Variants in RACGAP1 observed in about 807,000 individuals in gnomAD.
RACGAP1 encodes the protein rac GTPase-activating protein 1.
A neutral mutation model predicts 78.1 loss-of-function variants in RACGAP1; 30 were observed. That is an observed-to-expected ratio of 0.38 (90% confidence interval 0.29 to 0.52). The LOEUF is 0.52. Ranked by LOEUF, RACGAP1 falls within the 20% of genes least tolerant of loss-of-function variation. The probability of loss-of-function intolerance (pLI) is 0.82; values close to 1 mark genes in which losing one functional copy is unlikely to be tolerated. For missense variants in RACGAP1, 587 were observed against 777.1 expected (o/e 0.76, Z 2.91); for synonymous variants, 231 against 264.8 (o/e 0.87, Z 1.24).
At chr12:50,025,660 G>GT (rs3830366), upstream of RACGAP1, 460 of 542,966 alleles carry the variant, frequency 8.5e-4, no homozygotes, top group African/African-American at 3.2e-3. Context: ...CGGTTTTTCG[G>GT]TTTTTTTTGT....
chr12:50,018,402 A>T, intron 1 of RACGAP1: 1 of 589,978 alleles, frequency 1.7e-6, no homozygotes, highest in Middle Eastern at 3.1e-4. Context: ...TATTACAAAG[A>T]TCTTTCTCTA....
chr12:50,009,238 G>C (rs911198857), intron 2 of RACGAP1, among the ~76,000 whole-genome samples: 9 of 113,184 alleles, frequency 8.0e-5, no homozygotes, highest in African/African-American at 3.6e-4. Flanking sequence ...GTGAGATGCT[G>C]TCTCAAAAAA....
Position 50,006,468 on chromosome 12 carries a change from C to T in RACGAP1, c.254G>A (p.Arg85Gln), listed in dbSNP as rs771797675. The change falls in exon 3 of 17, where the codon CGG becomes CAG. Residue 85 changes from arginine (R) to glutamine (Q), a missense_variant. Arg to Gln is a conservative substitution (Grantham distance 43, BLOSUM62 1). Coordinates refer to ENST00000312377, the MANE Select transcript of RACGAP1 (RefSeq NM_001319999.2). ...ARNQVDVEIK[R>Q]RQRAEADCEK... ...GCAGTCAGCCTCAGCTCTCTGTCTC[C>T]GTTTGATCTCTACATCCACCTGATT... 3 of 1,614,166 alleles carry T rather than the reference C, an allele frequency of 1.9e-6. No homozygotes were observed. The East Asian group carries it at 6.7e-5, about 36-fold the overall frequency.
At chr12:50,020,014 C>T (rs937079093) in intron 1 of RACGAP1, among the ~76,000 whole-genome samples, 2 of 152,040 alleles carry the variant, frequency 1.3e-5, no homozygotes, top group Admixed American at 1.3e-4. Context: ...GGTGTTTTCC[C>T]CCCTAGGCTG....
chr12:50,006,884 G>A (rs1248093574), intron 2 of RACGAP1, among the ~76,000 whole-genome samples: 1 of 152,148 alleles, frequency 6.6e-6, no homozygotes, highest in Non-Finnish European at 1.5e-5. Flanking sequence ...CATCTGCTAT[G>A]GAATATGTAA....
Position 49,989,236 on chromosome 12 carries a change from C to T in RACGAP1, c.*1032G>A, listed in dbSNP as rs555481886. On this transcript the variant is annotated 3_prime_UTR_variant, in exon 17 of 17. Coordinates refer to ENST00000312377, the MANE Select transcript of RACGAP1 (RefSeq NM_001319999.2). Reference sequence around the variant, plus strand: ...GGTGTTTTACAGATAAGGGTCAATACGAAGTCAAACATTCTACAGAAGAAA... The same window carrying T: ...GGTGTTTTACAGATAAGGGTCAATATGAAGTCAAACATTCTACAGAAGAAA... 7.9e-5 allele frequency: 12 copies of T among 152,112 alleles called. No individual in the cohort carries two copies. Among genetic ancestry groups the T allele is most frequent in the Non-Finnish European group, 1.5e-4 (10 of 68,030 alleles). 9.4% of individuals were successfully genotyped at this position (152,112 alleles called of 1,614,324 possible).
At chr12:50,000,018 A>AATTTTTTTTTTT (rs1948563708) in intron 7 of RACGAP1, among the ~76,000 whole-genome samples, 2 of 99,642 alleles carry the variant, frequency 2.0e-5, no homozygotes, top group Admixed American at 1.4e-4. Context: ...CACCTGACTG[A>AATTTTTTTTTTT]TTTTTTTTTT....
At position 49,992,575 on chromosome 12, in the gene RACGAP1, C is replaced by T; in HGVS notation, c.1420G>A (p.Ala474Thr). The T allele has an allele frequency of 1.2e-6, 2 of 1,614,106 alleles. No individual in the cohort carries two copies. The highest frequency in any genetic ancestry group is 2.2e-5 in the East Asian group (1 of 44,890). ...ELPQANRDTLAFLMIHLQRVA... is the reference protein window; with the variant it reads ...ELPQANRDTLTFLMIHLQRVA... The stretch of plus-strand genomic sequence containing the variant: ...CTCTGCAAGTGAATCATGAGGAAAG[C>T]TAATGTGTCCCTGTTGGCCTGGGGC... The change falls in exon 13 of 17, where the codon GCT (alanine) becomes ACT (threonine). Residue 474 changes from alanine (A) to threonine (T), a missense_variant. Physicochemically the swap from Ala to Thr is moderately conservative, Grantham distance 58. Coordinates refer to ENST00000312377, the MANE Select transcript of RACGAP1 (RefSeq NM_001319999.2).
At chr12:49,999,876 G>A (rs1232926978) in intron 7 of RACGAP1, 143 bp from the exon 8 acceptor site, 3 of 641,466 alleles carry the variant, frequency 4.7e-6, no homozygotes, top group African/African-American at 3.6e-5. Flanking sequence ...TTGAGACAGA[G>A]TTTTTCACTC....
At chr12:50,018,847 T>TG (rs1949831521) in intron 1 of RACGAP1, among the ~76,000 whole-genome samples, 1 of 151,984 alleles carries the variant, frequency 6.6e-6, no homozygotes, top group South Asian at 2.1e-4. Flanking sequence ...CATTTTTTTT[T>TG]TTTTAATTTT....
rs1950233929 is a variant in RACGAP1 at position 50,025,396 on chromosome 12, A to C, written c.-5+2T>G. 1 of 985,396 alleles carries C rather than the reference A, an allele frequency of 1.0e-6. No individual in the cohort carries two copies. Among genetic ancestry groups the C allele is most frequent in the Non-Finnish European group, 1.2e-6 (1 of 830,102 alleles). 61.0% of individuals were successfully genotyped at this position (985,396 alleles called of 1,614,324 possible). ...ACCTGGTCTGGCACCCCCACTACTC[A>C]CTTCAGTCAGCCTGGCCCCACCTGG... On this transcript the variant is annotated splice_donor_variant, in intron 1 of 16. Coordinates refer to ENST00000312377, the MANE Select transcript of RACGAP1 (RefSeq NM_001319999.2). LOFTEE classifies it low-confidence loss of function (5UTR_SPLICE).
At position 49,994,470 on chromosome 12, in the gene RACGAP1, T is replaced by C. The variant is rs1948118288; in HGVS notation, c.1084A>G (p.Ile362Val). 6.2e-7 allele frequency: 1 copy of C among 1,613,968 alleles called. No individual in the cohort carries two copies. Among genetic ancestry groups the C allele is most frequent in the South Asian group, 1.1e-5 (1 of 91,038 alleles). The change falls in exon 11 of 17, where the codon ATC becomes GTC. Residue 362 changes from isoleucine to valine, a missense_variant. By Grantham distance (29) the Ile-to-Val change is conservative. Coordinates refer to ENST00000312377, the MANE Select transcript of RACGAP1 (RefSeq NM_001319999.2). ...ACACAATGCACAACAATGGAGGGGA[T>C]CATTGGAGAAGTCTGGGACACAAAG... Reference protein sequence around the residue: ...ADFVSQTSPMIPSIVVHCVNE... With the variant: ...ADFVSQTSPMVPSIVVHCVNE...
At chr12:49,996,366 C>G (rs1052460091) in intron 10 of RACGAP1, among the ~76,000 whole-genome samples, 1 of 151,296 alleles carries the variant, frequency 6.6e-6, no homozygotes, top group Admixed American at 6.6e-5. Context: ...CGGTGGCTCA[C>G]GCCTGTAGTC....
chr12:50,021,919 G>A (rs1361070089), intron 1 of RACGAP1, among the ~76,000 whole-genome samples: 4 of 152,156 alleles, frequency 2.6e-5, no homozygotes, highest in African/African-American at 4.8e-5. Flanking sequence ...TCACTGTATC[G>A]AAAGTCTCTA....
chr12:50,005,328 C>T lies in RACGAP1; in HGVS notation c.353G>A (p.Ser118Asn). 1 of 1,614,228 alleles carries T rather than the reference C, an allele frequency of 6.2e-7. No individual in the cohort carries two copies. The highest frequency in any genetic ancestry group is 1.1e-5 in the South Asian group (1 of 91,088). The part of the protein sequence containing the change: ...MCDTSGSIQL[S>N]EEQKSALAFL... ...AGCCAGAGCTGATTTTTGCTCCTCG[C>T]TTAGTTGAATGCTGCCAGATGTGTC... Residue 118 changes from serine to asparagine, a missense_variant, in exon 4 of 17, where the codon AGC (serine) becomes AAC (asparagine). By Grantham distance (46) the Ser-to-Asn change is conservative (BLOSUM62 1). Transcript: ENST00000312377.
At chr12:50,024,854 G>A (rs1950201497) in intron 1 of RACGAP1, among the ~76,000 whole-genome samples, 1 of 151,866 alleles carries the variant, frequency 6.6e-6, no homozygotes, top group Admixed American at 6.6e-5. Context: ...CTCGGCCTAC[G>A]GATGAAATCC....
In RACGAP1 at chr12:49,997,272, CTTTTTTTT is replaced by C. The variant is rs540814831; in HGVS notation, c.880-76_880-69del. On this transcript the variant is annotated intron_variant, in intron 9 of 16. Coordinates refer to ENST00000312377, the MANE Select transcript of RACGAP1 (RefSeq NM_001319999.2). ...GAAAATTATCATCATAATCAACTAA[CTTTTTTTT>C]TTTTTTTTTTTTGAGACCGAATCTC... 6.0e-6 allele frequency: 7 copies of C among 1,159,970 alleles called. No individual in the cohort carries two copies. In the African/African-American group the frequency reaches 1.3e-4, roughly 21 times the overall value. 71.9% of individuals were successfully genotyped at this position (1,159,970 alleles called of 1,614,324 possible). A position where few individuals can be genotyped will look rare whatever the true frequency, so the allele number is the denominator to read the frequency against.
At chr12:50,001,831 C>T (rs1202470438) in intron 6 of RACGAP1, among the ~76,000 whole-genome samples, 1 of 151,894 alleles carries the variant, frequency 6.6e-6, no homozygotes, top group African/African-American at 2.4e-5. Context: ...TTTGGGAGGC[C>T]GAGGCAGGTG....
chr12:49,995,723 G>A (rs1397585182), intron 10 of RACGAP1, among the ~76,000 whole-genome samples: 2 of 152,030 alleles, frequency 1.3e-5, no homozygotes, highest in East Asian at 3.9e-4. Flanking sequence ...TCAAACTCTT[G>A]GGCTCAAGTG....
Sources: allele counts gnomAD v4.1 joint callset (sites outside exome capture counted in the v4.1 genomes callset), GRCh38; gene constraint gnomAD v4.1.1; transcripts MANE v1.5; gene names NCBI Gene and HGNC (gene_info 2026-07-23, HGNC 2026-07-21).